GABRR3: variants seen among roughly 807,000 people sequenced by gnomAD.
GABRR3 encodes the protein gamma-aminobutyric acid type A receptor subunit rho3.
Under a neutral mutation model 43.2 loss-of-function variants are expected in GABRR3, and 29 were observed. The observed-to-expected ratio is 0.67, with a 90% CI of 0.50 to 0.92. GABRR3 has a LOEUF of 0.92. Among genes scored for constraint, GABRR3 ranks in the 40% least tolerant of loss-of-function variants. The pLI, the probability that GABRR3 is intolerant of heterozygous loss-of-function variation, is 0.00. For synonymous variants in GABRR3, 206 were observed against 195.9 expected (o/e 1.05, Z -0.43); for missense variants, 576 against 572.3 (o/e 1.01, Z -0.07).
At chr3:98,025,508 C>G (rs1706999051) in intron 3 of GABRR3, 59 bp downstream of exon 3, 3 of 1,137,358 alleles carry the variant, frequency 2.6e-6, no homozygotes, top group Non-Finnish European at 3.7e-6. Context: ...TTTAAATTTT[C>G]ACCTCCATTT....
At chr3:98,010,351 T>G (rs902917692) in intron 5 of GABRR3, among the ~76,000 whole-genome samples, 5 of 152,162 alleles carry the variant, frequency 3.3e-5, no homozygotes, top group Admixed American at 1.3e-4. Context: ...CTGGGGACAT[T>G]ATCAACTAAG....
exon 10 of GABRR3, chr3:97,986,807 G>A: frequency 6.2e-7 from 1 of 1,612,030 alleles, no homozygotes; most frequent in Non-Finnish European, 8.5e-7. Context: ...TCCTCCTAGG[G>A]ATTTTCTTCT....
chr3:98,005,210 A>AACACACACACAC (rs60490447), intron 7 of GABRR3, among the ~76,000 whole-genome samples: 64 of 148,026 alleles, frequency 4.3e-4, no homozygotes, highest in Non-Finnish European at 7.6e-4. Context: ...CTAGGCTTTT[A>AACACACACACAC]ACACACACAC....
At chr3:98,005,500 T>C (rs551952243) in intron 7 of GABRR3, among the ~76,000 whole-genome samples, 1 of 152,258 alleles carries the variant, frequency 6.6e-6, no homozygotes, top group East Asian at 1.9e-4. Context: ...CGTTAAAGAT[T>C]TGTAAGTTCA....
intron 3 of GABRR3, among the ~76,000 whole-genome samples, chr3:98,018,836 G>A (rs530284696): frequency 3.0e-4 from 46 of 152,240 alleles, no homozygotes; most frequent in South Asian, 4.1e-4. Flanking sequence ...TAGGCCGGGC[G>A]TGGTGGCTCA....
At chr3:97,987,973 T>G (rs1034545865) in intron 9 of GABRR3, among the ~76,000 whole-genome samples, 2 of 151,724 alleles carry the variant, frequency 1.3e-5, no homozygotes, top group Non-Finnish European at 1.5e-5. Context: ...CTCTTTTATT[T>G]AACTTTAAGC....
chr3:98,012,368 T>C, exon 5 of GABRR3: 2 of 1,613,852 alleles, frequency 1.2e-6, no homozygotes, highest in Non-Finnish European at 1.7e-6. Context: ...GACGTTTCCA[T>C]CAGGGTGTAC....
At chr3:98,023,654 T>C (rs1156284106) in intron 3 of GABRR3, among the ~76,000 whole-genome samples, 1 of 140,500 alleles carries the variant, frequency 7.1e-6, no homozygotes, top group East Asian at 2.2e-4. Flanking sequence ...TGAAGAAAAG[T>C]AAAAAAAGAT....
At chr3:98,034,827 G>A (rs1707130927) in intron 2 of GABRR3, 36 bp downstream of exon 2, 2 of 1,608,382 alleles carry the variant, frequency 1.2e-6, no homozygotes, top group East Asian at 2.2e-5. Context: ...GAGAAACTGG[G>A]CAGTAATTCC....
chr3:98,011,466 G>A (rs1359739480), intron 5 of GABRR3, among the ~76,000 whole-genome samples: 3 of 152,120 alleles, frequency 2.0e-5, no homozygotes, highest in Admixed American at 1.3e-4. Context: ...TGACCACATT[G>A]CCTACTCTTC....
chr3:98,005,819 T>C (rs770158990), intron 7 of GABRR3, among the ~76,000 whole-genome samples: 2 of 152,198 alleles, frequency 1.3e-5, no homozygotes, highest in Non-Finnish European at 2.9e-5. Context: ...ATTTTGCATA[T>C]GTTCTGTGCA....
intron 6 of GABRR3, 124 bp from the exon 7 acceptor site, chr3:98,008,028 G>T: frequency 1.3e-6 from 1 of 744,708 alleles, no homozygotes; most frequent in Non-Finnish European, 2.1e-6. Flanking sequence ...TACATATTAG[G>T]TGATAAAAAT....
chr3:98,032,065 TA>T (rs2107253796), intron 2 of GABRR3, among the ~76,000 whole-genome samples: 1 of 34,952 alleles, frequency 2.9e-5, no homozygotes, highest in Admixed American at 3.4e-4. Context: ...GTCTAGCACA[TA>T]GTATAGTATA....
At chr3:97,994,992 T>C (rs147200551) in intron 8 of GABRR3, among the ~76,000 whole-genome samples, 2 of 152,320 alleles carry the variant, frequency 1.3e-5, no homozygotes, top group South Asian at 2.1e-4. Context: ...ATTTTTTTTT[T>C]TTTGAGATGG....
chr3:97,995,886 G>C (rs376016914), intron 8 of GABRR3, among the ~76,000 whole-genome samples: 2 of 152,194 alleles, frequency 1.3e-5, no homozygotes, highest in African/African-American at 2.4e-5. Context: ...GTTTGGATTA[G>C]AAAATTATCT....
rs920846897 is a variant in GABRR3, at chr3:98,001,890, T to G, written c.755-123A>C. ...GGACACGGAATTTGACAAACTCATC[T>G]CCATTTAGTTGGGCCTGGCACTCCA... On this transcript the variant is annotated intron_variant, in intron 7 of 9. Transcript: ENST00000621172. 5.5e-5 allele frequency: 53 copies of G among 966,198 alleles called. No homozygotes were observed. The African/African-American group carries it at 5.6e-4, about 10-fold the overall frequency. The allele number at this position is 966,198 out of a possible 1,614,324, so 59.9% of individuals were successfully genotyped here.
In GABRR3 at chr3:98,035,095, A is replaced by T. The variant is rs1337732086; in HGVS notation, c.-3+95T>A. ...AAAAAACAAACAGCATGTCAGGGGA[A>T]ATGCATTAGGGGAAAAAGAAAGACA... On this transcript the variant is annotated intron_variant, in intron 1 of 9. Transcript: ENST00000621172. The T allele has an allele frequency of 3.0e-6, 4 of 1,327,108 alleles. No individual in the cohort carries two copies. In the African/African-American group the frequency reaches 5.9e-5, roughly 20 times the overall value. 82.2% of individuals were successfully genotyped at this position (1,327,108 alleles called of 1,614,324 possible). A position where few individuals can be genotyped will look rare whatever the true frequency, so the allele number is the denominator to read the frequency against.
At chr3:98,032,122 G>C (rs1690766791) in intron 2 of GABRR3, among the ~76,000 whole-genome samples, 1 of 144,486 alleles carries the variant, frequency 6.9e-6, no homozygotes, top group Non-Finnish European at 1.5e-5. Context: ...GTATAGTATA[G>C]TAATGGTATA....
At chr3:98,013,646 T>C (rs1706838799) in intron 4 of GABRR3, among the ~76,000 whole-genome samples, 1 of 152,218 alleles carries the variant, frequency 6.6e-6, no homozygotes, top group South Asian at 2.1e-4. Context: ...ACCAATTAAT[T>C]ATGAGCTAGT....
Sources: gnomAD v4.1 joint callset for allele counts (sites outside exome capture counted in the v4.1 genomes callset) on GRCh38, gnomAD v4.1.1 for gene constraint, MANE v1.5 for transcripts, NCBI Gene and HGNC (gene_info 2026-07-23, HGNC 2026-07-21) for gene names.